MYPN: variants seen among roughly 807,000 people sequenced by gnomAD.
MYPN encodes the protein sarcomeric protein myopalladin, 145 kDa (MYOP).
Under a neutral mutation model 129.4 loss-of-function variants are expected in MYPN, and 63 were observed. That is an observed-to-expected ratio of 0.49 (90% confidence interval 0.40 to 0.60). The LOEUF (loss-of-function observed/expected upper bound fraction) is 0.60. Ranked by LOEUF, MYPN falls within the 20% of genes least tolerant of loss-of-function variation. The pLI is 0.00. For missense variants in MYPN, 1,596 were observed against 1,635.4 expected (o/e 0.98, Z 0.42); for synonymous variants, 629 against 600.9 (o/e 1.05, Z -0.68).
At chr10:68,150,649 A>G (rs139249182) in intron 6 of MYPN, among the ~76,000 whole-genome samples, 7 of 152,306 alleles carry the variant, frequency 4.6e-5, no homozygotes, top group African/African-American at 1.7e-4. Flanking sequence ...TCATTTACAA[A>G]TGAAAAACCA....
rs1339212793 is a variant in MYPN, at chr10:68,194,529, C to T, written c.3075+17C>T. On this transcript the variant is annotated intron_variant, in intron 14 of 19. Coordinates refer to ENST00000358913, the MANE Select transcript of MYPN (RefSeq NM_032578.4). Reference sequence around the variant, plus strand: ...AACCCCCAGGTGGAGACGCAGGGTTCTGCGCTGTGCTGCACTCTGAGGAAG... The same window carrying T: ...AACCCCCAGGTGGAGACGCAGGGTTTTGCGCTGTGCTGCACTCTGAGGAAG... 1 of 1,612,542 alleles carries T rather than the reference C, an allele frequency of 6.2e-7. No individual in the cohort carries two copies.
At chr10:68,197,319 A>T in intron 15 of MYPN, 33 bp from the exon 16 acceptor site, 1 of 1,609,230 alleles carries the variant, frequency 6.2e-7, no homozygotes, top group African/African-American at 1.3e-5. Context: ...ATTTATTTCT[A>T]TGTTTAATAT....
At chr10:68,151,459 T>C (rs2042768690) in intron 6 of MYPN, among the ~76,000 whole-genome samples, 1 of 152,226 alleles carries the variant, frequency 6.6e-6, no homozygotes. Context: ...TGTGATTTGG[T>C]GGATACAAGA....
intron 1 of MYPN, among the ~76,000 whole-genome samples, chr10:68,100,055 A>G (rs2041974711): frequency 6.6e-6 from 1 of 152,190 alleles, no homozygotes; most frequent in East Asian, 1.9e-4. Flanking sequence ...ATAATGATAT[A>G]GTATACCTTG....
chr10:68,182,308 CACACATATATATA>C lies in MYPN; in HGVS notation c.2704-6593_2704-6581del, dbSNP rs2043332032. Among the ~76,000 whole-genome samples the C allele has an allele frequency of 6.3e-5, 2 of 31,622 alleles. 1 individual carries two copies. The highest frequency in any genetic ancestry group is 2.0e-3 in the South Asian group (2 of 988). 20.7% of individuals were successfully genotyped at this position (31,622 alleles called of 152,430 possible). On this transcript the variant is annotated intron_variant, in intron 12 of 19. Transcript: ENST00000358913. ...ATATATATATAACATATATATAACA[CACACATATATATA>C]ACATATATATAACACACACATATAT...
rs7094885 is a variant in MYPN at position 68,194,060 on chromosome 10, T to C, written c.2926-303T>C. 0.42 allele frequency among the ~76,000 whole-genome samples: 63,548 copies of C among 151,934 alleles called. 13,967 individuals carry two copies. The highest frequency in any genetic ancestry group is 0.49 in the Non-Finnish European group (33,196 of 67,952). On this transcript the variant is annotated intron_variant, in intron 13 of 19. Transcript: ENST00000358913. ...CTGAAGGCATGTCCAGTCCTTAGGG[T>C]GGCTTTTAAAACTATGTGTGAAGTA... is the stretch of plus-strand genomic sequence containing the variant.
intron 1 of MYPN, among the ~76,000 whole-genome samples, chr10:68,118,553 T>C (rs1343655243): frequency 1.3e-5 from 2 of 152,136 alleles, no homozygotes; most frequent in Non-Finnish European, 2.9e-5. Flanking sequence ...ATATACAGGC[T>C]AGGCACGATG....
chr10:68,134,064 A>C (rs979498311), intron 2 of MYPN, among the ~76,000 whole-genome samples: 3 of 152,174 alleles, frequency 2.0e-5, no homozygotes, highest in African/African-American at 7.2e-5. Context: ...GAAGAAGGGA[A>C]GAAATCATTC....
At chr10:68,136,547 T>G in intron 2 of MYPN, 2 of 1,432,280 alleles carry the variant, frequency 1.4e-6, no homozygotes, top group Non-Finnish European at 1.8e-6. Context: ...GCCTAATTTC[T>G]AAGTGGGTCA....
chr10:68,206,641 T>G lies in MYPN; in HGVS notation c.3660-129T>G, dbSNP rs1031619246. 59 of 1,267,436 alleles carry G rather than the reference T, an allele frequency of 4.7e-5. 1 individual carries two copies. Among genetic ancestry groups the G allele is most frequent in the Non-Finnish European group, 8.1e-6 (7 of 869,504 alleles). The allele number at this position is 1,267,436 out of a possible 1,614,324, so 78.5% of individuals were successfully genotyped here. On this transcript the variant is annotated intron_variant, in intron 18 of 19. Transcript: ENST00000358913. Reference sequence around the variant, plus strand: ...AGCTCACTGCTGCTCTTCTTTGACGTCTTCCACCTTCAAATTTGTCTTGAT... The same window carrying G: ...AGCTCACTGCTGCTCTTCTTTGACGGCTTCCACCTTCAAATTTGTCTTGAT...
chr10:68,201,397 A>C (rs534372162), intron 17 of MYPN, among the ~76,000 whole-genome samples: 25 of 152,326 alleles, frequency 1.6e-4, no homozygotes, highest in South Asian at 8.3e-4. Context: ...AGGTGGGTGC[A>C]TGCCCACTCT....
rs185841477 is a variant in MYPN, at chr10:68,122,100, A to G, written c.662A>G (p.Asp221Gly). 9.3e-6 allele frequency: 15 copies of G among 1,614,238 alleles called. No homozygotes were observed. In the East Asian group the frequency reaches 3.1e-4, roughly 34 times the overall value. ...ATCCCTATCCCTGCGGATACCAGGG[A>G]TAATGAAGTGAATCACGCCCTGGAA... is the stretch of plus-strand genomic sequence containing the variant. The part of the protein sequence containing the change: ...VPIPIPADTR[D>G]NEVNHALEQQ... The change falls in exon 2 of 20, where the codon GAT becomes GGT. Residue 221 changes from aspartate to glycine, a missense_variant. Asp to Gly is a moderately conservative substitution (Grantham distance 94). Coordinates refer to ENST00000358913, the MANE Select transcript of MYPN (RefSeq NM_032578.4).
chr10:68,194,632 C>A, intron 14 of MYPN, 120 bp downstream of exon 14: 4 of 1,194,348 alleles, frequency 3.3e-6, no homozygotes, highest in African/African-American at 1.5e-5. Context: ...GAATGAGAAG[C>A]ATTGTGATTT....
At chr10:68,122,393 A>T in intron 2 of MYPN, 53 bp downstream of exon 2, 2 of 1,578,352 alleles carry the variant, frequency 1.3e-6, no homozygotes, top group Non-Finnish European at 1.7e-6. Context: ...ATCTACCATG[A>T]CCCTCCCAAG....
intron 4 of MYPN, among the ~76,000 whole-genome samples, chr10:68,146,990 T>C (rs1157797727): frequency 6.6e-6 from 1 of 152,170 alleles, no homozygotes; most frequent in Non-Finnish European, 1.5e-5. Context: ...GCTGCCTGGT[T>C]AGGGAAAACA....
At chr10:68,123,133 G>A (rs1423121572) in intron 2 of MYPN, among the ~76,000 whole-genome samples, 1 of 152,052 alleles carries the variant, frequency 6.6e-6, no homozygotes, top group Non-Finnish European at 1.5e-5. Flanking sequence ...CCAGCACTTT[G>A]GGAGGCCGAG....
intron 12 of MYPN, among the ~76,000 whole-genome samples, chr10:68,182,222 A>AACACATATATATATAACATATATATAAC (rs1564686392): frequency 3.1e-5 from 3 of 96,532 alleles, no homozygotes; most frequent in African/African-American, 1.1e-4. Flanking sequence ...ATATATATAT[A>AACACATATATATATAACATATATATAAC]ACACATATAT....
chr10:68,091,614 T>C (rs2041931566), intron 1 of MYPN, among the ~76,000 whole-genome samples: 1 of 151,866 alleles, frequency 6.6e-6, no homozygotes, highest in South Asian at 2.1e-4. Flanking sequence ...AGGCTGGTCT[T>C]GAACTCCGGG....
At position 68,201,831 on chromosome 10, in the gene MYPN, A is replaced by C. The variant is rs767049433; in HGVS notation, c.3496A>C (p.Lys1166Gln). Reference protein sequence around the residue: ...SFSLELSVVAKEVKKAPVILE... With the variant: ...SFSLELSVVAQEVKKAPVILE... ...AGAATGACCCTTCTCTTGCTCAGCCAAAGAGGTGAAGAAAGCACCTGTGAT... is the reference window on the plus strand; with the variant it reads ...AGAATGACCCTTCTCTTGCTCAGCCCAAGAGGTGAAGAAAGCACCTGTGAT... The change falls in exon 18 of 20, where the codon AAA (lysine) becomes CAA (glutamine). Residue 1166 changes from lysine (K) to glutamine (Q), a missense_variant and splice_region_variant. Coordinates refer to ENST00000358913, the MANE Select transcript of MYPN (RefSeq NM_032578.4). 1.2e-6 allele frequency: 2 copies of C among 1,613,904 alleles called. No individual in the cohort carries two copies. The highest frequency in any genetic ancestry group is 1.7e-6 in the Non-Finnish European group (2 of 1,179,978).
Sources: allele counts gnomAD v4.1 joint callset (sites outside exome capture counted in the v4.1 genomes callset), GRCh38; gene constraint gnomAD v4.1.1; transcripts MANE v1.5; gene names NCBI Gene and HGNC (gene_info 2026-07-23, HGNC 2026-07-21).